The following ZNF804B variants were observed in gnomAD, a reference collection of about 807,000 sequenced individuals.
The protein encoded by ZNF804B is zinc finger protein 804B.
Under a neutral mutation model 101.4 loss-of-function variants are expected in ZNF804B, and 80 were observed. That is an observed-to-expected ratio of 0.79 (90% CI 0.66 to 0.95). ZNF804B has a LOEUF of 0.95. ZNF804B is among the 40% of genes least tolerant of loss of function. The probability of loss-of-function intolerance (pLI) is 0.00; values close to 1 mark genes in which losing one functional copy is unlikely to be tolerated. For synonymous variants in ZNF804B, 622 were observed against 558.8 expected, an observed-to-expected ratio of 1.11 and a Z score of -1.59; for missense variants, 1,673 against 1,561.9, an observed-to-expected ratio of 1.07 and a Z score of -1.20.
chr7:89,180,587 G>A, intron 1 of ZNF804B, among the ~76,000 whole-genome samples: 1 of 152,008 alleles, frequency 6.6e-6, no homozygotes, highest in African/African-American at 2.4e-5. Context: ...CTACAATGGG[G>A]GTTTCAGGAC....
In ZNF804B at chr7:89,337,436, A is replaced by G. The variant is rs1791117098; in HGVS notation, c.*404A>G. Among the ~76,000 whole-genome samples the G allele has an allele frequency of 6.6e-6, 1 of 152,120 alleles. No individual in the cohort carries two copies. Among genetic ancestry groups the G allele is most frequent in the African/African-American group, 2.4e-5 (1 of 41,454 alleles). On this transcript the variant is annotated 3_prime_UTR_variant, in exon 4 of 4. Coordinates refer to ENST00000333190, the MANE Select transcript of ZNF804B (RefSeq NM_181646.5). ...GAATGAATGAGTGTTGATTTGGCTT[A>G]TTTGTTAGATAATAAAAGGTCAGTG...
intron 1 of ZNF804B, among the ~76,000 whole-genome samples, chr7:89,107,760 T>A (rs1180230893): frequency 6.6e-6 from 1 of 152,126 alleles, no homozygotes. Flanking sequence ...ATCCTATGTC[T>A]CAGACATAAT....
chr7:88,986,628 A>T (rs188398491), intron 1 of ZNF804B, among the ~76,000 whole-genome samples: 1 of 152,162 alleles, frequency 6.6e-6, no homozygotes, highest in East Asian at 1.9e-4. Flanking sequence ...ACCTCGTGCA[A>T]TGCTGTCCTT....
intron 2 of ZNF804B, among the ~76,000 whole-genome samples, chr7:89,309,759 CAAAAAAAAAAAAAAAAAAAAAAAA>C (rs397791531): frequency 2.8e-5 from 2 of 70,814 alleles, no homozygotes; most frequent in Non-Finnish European, 2.5e-5. Context: ...GACCCTGTCT[CAAAAAAAAAAAAAAAAAAAAAAAA>C]AAAAAAAAAA....
intron 1 of ZNF804B, among the ~76,000 whole-genome samples, chr7:89,075,620 C>T (rs141808119): frequency 1.5e-3 from 230 of 152,274 alleles, no homozygotes; most frequent in African/African-American, 5.3e-3. Context: ...CAGTGTAGAA[C>T]GGAAATGTGG....
At chr7:88,913,605 A>C (rs1186428677) in intron 1 of ZNF804B, among the ~76,000 whole-genome samples, 1 of 152,146 alleles carries the variant, frequency 6.6e-6, no homozygotes, top group East Asian at 1.9e-4. Context: ...CATCTTGGCC[A>C]GGCTGGTCTC....
chr7:88,944,862 G>A (rs189002357), intron 1 of ZNF804B, among the ~76,000 whole-genome samples: 22 of 151,884 alleles, frequency 1.4e-4, no homozygotes, highest in East Asian at 3.9e-4. Flanking sequence ...TTTCATGCAC[G>A]AAAGTATTAA....
At position 89,334,355 on chromosome 7, in the gene ZNF804B, C is replaced by T. The variant is rs150650174; in HGVS notation, c.1373C>T (p.Pro458Leu). 6.8e-6 allele frequency: 11 copies of T among 1,613,700 alleles called. No homozygotes were observed. Among genetic ancestry groups the T allele is most frequent in the South Asian group, 3.3e-5 (3 of 91,082 alleles). Residue 458 changes from proline to leucine, a missense_variant, in exon 4 of 4, where the codon CCT (proline) becomes CTT (leucine). Pro to Leu is a moderately conservative substitution (Grantham distance 98). Transcript: ENST00000333190. ...GATGGCCACACCACTCTTCAATGGC[C>T]TACGGAACTTCTGCTCTTTACAAAA... ...SKDGHTTLQW[P>L]TELLLFTKTE...
At chr7:89,030,607 CT>C (rs1160891089) in intron 1 of ZNF804B, among the ~76,000 whole-genome samples, 2 of 152,076 alleles carry the variant, frequency 1.3e-5, no homozygotes, top group Non-Finnish European at 2.9e-5. Context: ...AATATCTTAA[CT>C]TTTTTTGGTC....
At chr7:88,910,412 G>C (rs2115973230) in intron 1 of ZNF804B, among the ~76,000 whole-genome samples, 1 of 151,876 alleles carries the variant, frequency 6.6e-6, no homozygotes, top group Middle Eastern at 3.4e-3. Flanking sequence ...CCCTAAGAAA[G>C]GTAATTAAGT....
intron 1 of ZNF804B, among the ~76,000 whole-genome samples, chr7:89,101,747 G>GTTTA (rs1380416044): frequency 6.6e-6 from 1 of 151,846 alleles, no homozygotes; most frequent in African/African-American, 2.4e-5. Context: ...ACAAGTGCTT[G>GTTTA]TTTATACATG....
intron 2 of ZNF804B, among the ~76,000 whole-genome samples, chr7:89,268,075 T>G (rs139606901): frequency 6.6e-6 from 1 of 152,156 alleles, no homozygotes; most frequent in Non-Finnish European, 1.5e-5. Flanking sequence ...ATGAACCTTT[T>G]GGACCAAAAG....
intron 3 of ZNF804B, among the ~76,000 whole-genome samples, chr7:89,327,836 G>A (rs1283891748): frequency 2.6e-5 from 4 of 151,920 alleles, no homozygotes; most frequent in African/African-American, 4.8e-5. Flanking sequence ...TGGGGAATAA[G>A]TCTTCTGAAC....
intron 1 of ZNF804B, among the ~76,000 whole-genome samples, chr7:88,892,641 A>T (rs1303118750): frequency 2.6e-5 from 4 of 152,138 alleles, no homozygotes; most frequent in African/African-American, 7.2e-5. Flanking sequence ...CACATCATTA[A>T]TCAATTCTGG....
At chr7:89,011,474 GA>G (rs932495608) in intron 1 of ZNF804B, among the ~76,000 whole-genome samples, 55 of 152,240 alleles carry the variant, frequency 3.6e-4, no homozygotes, top group Admixed American at 2.6e-3. Context: ...CTGAGACAAG[GA>G]AGTCTTTTCC....
At chr7:88,958,501 G>C (rs1286690602) in intron 1 of ZNF804B, among the ~76,000 whole-genome samples, 1 of 151,450 alleles carries the variant, frequency 6.6e-6, no homozygotes, top group Non-Finnish European at 1.5e-5. Flanking sequence ...GCCATCCATA[G>C]ATATCACCAT....
intron 1 of ZNF804B, among the ~76,000 whole-genome samples, chr7:88,769,448 T>C (rs1368332732): frequency 1.3e-5 from 2 of 152,242 alleles, no homozygotes; most frequent in Non-Finnish European, 2.9e-5. Context: ...CTTTATTCTA[T>C]GTAGCATTTC....
Position 88,920,268 on chromosome 7 carries a change from T to C in ZNF804B, c.108+160184T>C, listed in dbSNP as rs549254055. ...AAGTAAATTAACTCCTGGCTTATAGTACAGTATTAATTTTGCATGACTGGA... is the reference window on the plus strand; with the variant it reads ...AAGTAAATTAACTCCTGGCTTATAGCACAGTATTAATTTTGCATGACTGGA... On this transcript the variant is annotated intron_variant, in intron 1 of 3. Coordinates refer to ENST00000333190, the MANE Select transcript of ZNF804B (RefSeq NM_181646.5). 2.6e-5 allele frequency among the ~76,000 whole-genome samples: 4 copies of C among 152,214 alleles called. No individual in the cohort carries two copies. In the East Asian group the frequency reaches 7.7e-4, roughly 29 times the overall value.
chr7:89,099,851 G>A (rs1562884482), intron 1 of ZNF804B, among the ~76,000 whole-genome samples: 1 of 152,150 alleles, frequency 6.6e-6, no homozygotes, highest in Non-Finnish European at 1.5e-5. Context: ...CTGGGTGACA[G>A]TGAGGACTGG....
Sources: allele counts gnomAD v4.1 joint callset (sites outside exome capture counted in the v4.1 genomes callset), GRCh38; gene constraint gnomAD v4.1.1; transcripts MANE v1.5; gene names NCBI Gene and HGNC (gene_info 2026-07-23, HGNC 2026-07-21).